RARB: variants seen among roughly 807,000 people sequenced by gnomAD.
RARB encodes the protein HBV-activated protein.
A neutral mutation model predicts 51.9 loss-of-function variants in RARB; 17 were observed. The ratio of observed to expected loss-of-function variants is 0.33; its 90% CI spans 0.22 to 0.49. RARB has a LOEUF of 0.49. Among genes scored for constraint, RARB ranks in the 20% least tolerant of loss-of-function variants. RARB has a pLI of 0.99. For synonymous variants in RARB, 215 were observed against 195.4 expected, an observed-to-expected ratio of 1.10 and a Z score of -0.84; for missense variants, 369 against 550.8, an observed-to-expected ratio of 0.67 and a Z score of 3.30.
chr3:25,300,173 G>C (rs1315118863), intron 5 of RARB, among the ~76,000 whole-genome samples: 1 of 152,168 alleles, frequency 6.6e-6, no homozygotes, highest in Non-Finnish European at 1.5e-5. Flanking sequence ...CCATGTGTCT[G>C]ATAAACACTG....
chr3:25,583,907 C>G (rs952724809), intron 5 of RARB, among the ~76,000 whole-genome samples: 2 of 152,140 alleles, frequency 1.3e-5, no homozygotes, highest in Admixed American at 1.3e-4. Context: ...TGGTAGCATC[C>G]TAGGGCTGTG....
rs189709591 is a variant in RARB, at chr3:25,587,569, C to G, written c.787-5934C>G. Among the ~76,000 whole-genome samples, 174 of 152,216 alleles carry G rather than the reference C, an allele frequency of 1.1e-3. 2 individuals carry two copies. The highest frequency in any genetic ancestry group is 3.7e-4 in the Non-Finnish European group (25 of 68,012). ...AGAGTACTGGTCTGCAAAACAGAGA[C>G]AGTAACGGTAACAAGGAACTCCTGC... On this transcript the variant is annotated intron_variant, in intron 5 of 7. Coordinates refer to ENST00000330688, the MANE Select transcript of RARB (RefSeq NM_000965.5).
chr3:24,864,314 GTTCTT>G (rs1702809495), intron 2 of RARB, among the ~76,000 whole-genome samples: 1 of 152,120 alleles, frequency 6.6e-6, no homozygotes, highest in African/African-American at 2.4e-5. Context: ...CTGGTTCCTT[GTTCTT>G]TTCCTTTGCC....
In RARB at chr3:25,475,427, C is replaced by T. The variant is rs144521554; in HGVS notation, c.306+14086C>T. On this transcript the variant is annotated intron_variant, in intron 2 of 7. Coordinates refer to ENST00000330688, the MANE Select transcript of RARB (RefSeq NM_000965.5). ...GGGGGGGGGATCCCCTGCAAAAAAT[C>T]ACTATAGATAAGTTATGTTGAAGTA... 3.2e-4 allele frequency among the ~76,000 whole-genome samples: 48 copies of T among 152,042 alleles called. No individual in the cohort carries two copies. The East Asian group carries it at 8.9e-3, about 28-fold the overall frequency.
chr3:25,206,639 G>A (rs1394406123), intron 5 of RARB, among the ~76,000 whole-genome samples: 1 of 152,062 alleles, frequency 6.6e-6, no homozygotes, highest in Non-Finnish European at 1.5e-5. Context: ...GTCAATTACA[G>A]AGTTAACAGT....
intron 2 of RARB, among the ~76,000 whole-genome samples, chr3:25,486,096 C>A (rs1047577811): frequency 7.2e-5 from 11 of 152,150 alleles, no homozygotes; most frequent in Admixed American, 3.9e-4. Flanking sequence ...TGGGAGTTGT[C>A]TTTTTGCTGG....
At chr3:25,119,675 AC>A (rs376182539) in intron 3 of RARB, among the ~76,000 whole-genome samples, 110 of 150,752 alleles carry the variant, frequency 7.3e-4, no homozygotes, top group Admixed American at 2.4e-3. Context: ...AAAAACAACA[AC>A]AAAAAAAACA....
Position 25,443,541 on chromosome 3 carries a change from A to C in RARB, c.157+14653A>C, listed in dbSNP as rs554346693. 4.0e-4 allele frequency among the ~76,000 whole-genome samples: 60 copies of C among 151,124 alleles called. 1 individual carries two copies. In the South Asian group the frequency reaches 0.012, roughly 31 times the overall value. Reference sequence around the variant, plus strand: ...GCAGGAGAATCGCTTAAAACCCGGGAGGCGGAGGTTGCAGTGAGCCAAGAT... The same window carrying C: ...GCAGGAGAATCGCTTAAAACCCGGGCGGCGGAGGTTGCAGTGAGCCAAGAT... On this transcript the variant is annotated intron_variant, in intron 1 of 7. Transcript: ENST00000330688.
intron 4 of RARB, among the ~76,000 whole-genome samples, chr3:25,138,260 A>C (rs1343472797): frequency 6.6e-6 from 1 of 152,104 alleles, no homozygotes; most frequent in Non-Finnish European, 1.5e-5. Context: ...TCCATGAAGA[A>C]ATTATGACCA....
intron 5 of RARB, among the ~76,000 whole-genome samples, chr3:25,253,946 T>C (rs2125403318): frequency 6.6e-6 from 1 of 152,266 alleles, no homozygotes; most frequent in African/African-American, 2.4e-5. Flanking sequence ...GGGAACTGTG[T>C]CCTAAAAGAA....
intron 5 of RARB, among the ~76,000 whole-genome samples, chr3:25,295,382 T>C (rs776432697): frequency 1.3e-5 from 2 of 152,152 alleles, no homozygotes; most frequent in Non-Finnish European, 2.9e-5. Flanking sequence ...TATGTGAGGA[T>C]GCAGTGAGAA....
chr3:24,849,477 G>A (rs759234891), intron 1 of RARB, among the ~76,000 whole-genome samples: 5 of 152,196 alleles, frequency 3.3e-5, no homozygotes, highest in Non-Finnish European at 7.3e-5. Context: ...CAAATATAGG[G>A]TTAGGTTCCT....
chr3:25,377,090 G>C (rs1706484443), intron 5 of RARB, among the ~76,000 whole-genome samples: 1 of 152,128 alleles, frequency 6.6e-6, no homozygotes, highest in Admixed American at 6.6e-5. Context: ...TCTTGGTTTT[G>C]CTTTTTCTAT....
rs541431334 is a variant in RARB at position 25,200,524 on chromosome 3, A to G, written c.178+25949A>G. Among the ~76,000 whole-genome samples the G allele has an allele frequency of 1.6e-3, 239 of 152,214 alleles. 1 individual carries two copies. The highest frequency in any genetic ancestry group is 3.4e-3 in the Middle Eastern group (1 of 294). Reference sequence around the variant, plus strand: ...AGACATGAAGTCCTTGCCCATGTCTATGTCCTGAATGGTATTGCCTAGGTT... The same window carrying G: ...AGACATGAAGTCCTTGCCCATGTCTGTGTCCTGAATGGTATTGCCTAGGTT... On this transcript the variant is annotated intron_variant, in intron 5 of 11. Transcript: ENST00000383772.
chr3:25,526,834 C>T (rs1484096279), intron 3 of RARB, among the ~76,000 whole-genome samples: 1 of 152,088 alleles, frequency 6.6e-6, no homozygotes, highest in Non-Finnish European at 1.5e-5. Flanking sequence ...CTTTAGTTTC[C>T]CATGATTCCT....
intron 2 of RARB, among the ~76,000 whole-genome samples, chr3:24,867,866 T>G (rs1702879584): frequency 6.6e-6 from 1 of 152,152 alleles, no homozygotes; most frequent in South Asian, 2.1e-4. Context: ...TTGGGAAATT[T>G]TCATTGACTG....
intron 2 of RARB, among the ~76,000 whole-genome samples, chr3:25,479,330 A>G: frequency 6.6e-6 from 1 of 152,042 alleles, no homozygotes; most frequent in East Asian, 1.9e-4. Context: ...AAGGTGTCTT[A>G]CTCTATGTTA....
In RARB at chr3:25,040,587, T is replaced by C. The variant is rs534975428; in HGVS notation, c.-379-19538T>C. Among the ~76,000 whole-genome samples, 4 of 152,004 alleles carry C rather than the reference T, an allele frequency of 2.6e-5. No homozygotes were observed. In the South Asian group the frequency reaches 8.3e-4, roughly 32 times the overall value. ...ATCTCTACTAAAAATACAAAAATTA[T>C]CCAGGCATGGTGGTGCATGCCTATT... On this transcript the variant is annotated intron_variant, in intron 2 of 11. Coordinates refer to the RARB transcript ENST00000383772.
intron 2 of RARB, among the ~76,000 whole-genome samples, chr3:24,977,696 C>T (rs1330807451): frequency 6.6e-6 from 1 of 152,168 alleles, no homozygotes; most frequent in African/African-American, 2.4e-5. Flanking sequence ...ATGTCATCTG[C>T]AAACAGAGAC....
Sources: allele counts gnomAD v4.1 joint callset (sites outside exome capture counted in the v4.1 genomes callset), GRCh38; gene constraint gnomAD v4.1.1; transcripts MANE v1.5; gene names NCBI Gene and HGNC (gene_info 2026-07-23, HGNC 2026-07-21).